MTFR1: variants seen among roughly 807,000 people sequenced by gnomAD.
The protein encoded by MTFR1 is chondrocyte protein with a poly-proline region.
Under a neutral mutation model 38.8 loss-of-function variants are expected in MTFR1, and 28 were observed. That is an observed-to-expected ratio of 0.72 (90% confidence interval 0.53 to 0.99). The LOEUF (loss-of-function observed/expected upper bound fraction) is 0.99, where lower values mean the gene tolerates loss of function less well. MTFR1 is among the 50% of genes least tolerant of loss of function. MTFR1 has a pLI of 0.00. For missense variants in MTFR1, 358 were observed against 395.5 expected (o/e 0.91, Z 0.81); for synonymous variants, 145 against 137.0 (o/e 1.06, Z -0.41).
Position 65,702,966 on chromosome 8 carries a change from C to G in MTFR1, c.282-1728C>G, listed in dbSNP as rs939708481. On this transcript the variant is annotated intron_variant, in intron 4 of 7. Transcript: ENST00000262146. ...CTGTGTGCCTTAGGGAATTTTGGAC[C>G]CAATATAAACAAAATATAACCAAAA... Among the ~76,000 whole-genome samples, 4 of 151,506 alleles carry G rather than the reference C, an allele frequency of 2.6e-5. No homozygotes were observed. In the South Asian group the frequency reaches 6.3e-4, roughly 24 times the overall value.
chr8:65,724,795 G>C (rs767623020), intron 3 of MTFR1: 2 of 1,607,510 alleles, frequency 1.2e-6, no homozygotes, highest in African/African-American at 2.7e-5. Context: ...CCAAATGTCT[G>C]TGTCTGGTGT....
intron 4 of MTFR1, among the ~76,000 whole-genome samples, chr8:65,704,275 AAAAAAGC>A (rs530274697): frequency 4.3e-4 from 66 of 152,324 alleles, no homozygotes; most frequent in Non-Finnish European, 7.9e-4. Flanking sequence ...ATTTTCAGTA[AAAAAAGC>A]AAAAAGATAA....
intron 3 of MTFR1, among the ~76,000 whole-genome samples, chr8:65,752,192 A>G (rs1808001196): frequency 6.6e-6 from 1 of 152,126 alleles, no homozygotes; most frequent in Admixed American, 6.5e-5. Context: ...ATTGTTAGTT[A>G]CCAGAGCATA....
In MTFR1 at chr8:65,655,968, ACC is replaced by A. The variant is rs1563432904; in HGVS notation, c.-81+11185_-81+11186del. 6.7e-3 allele frequency among the ~76,000 whole-genome samples: 132 copies of A among 19,768 alleles called. 10 individuals are homozygous for A. Among genetic ancestry groups the A allele is most frequent in the African/African-American group, 0.025 (114 of 4,580 alleles). The allele number at this position is 19,768 out of a possible 152,430, so 13.0% of individuals were successfully genotyped here. On this transcript the variant is annotated intron_variant, in intron 1 of 7. Coordinates refer to ENST00000262146, the MANE Select transcript of MTFR1 (RefSeq NM_014637.4). ...AAAAAAAAAATATATATATATATAT[ACC>A]ATATATATATATATGGTAGTGGGTT...
rs1273789511 is a variant in MTFR1, at chr8:65,688,512, A to T, written c.166-5132A>T. On this transcript the variant is annotated intron_variant, in intron 3 of 7. Transcript: ENST00000262146. ...CGCCCAGGCTGGAGTGCAGTGGCGCAATCTCGGCTCACTGCAAGCTCCGCC... is the reference window on the plus strand; with the variant it reads ...CGCCCAGGCTGGAGTGCAGTGGCGCTATCTCGGCTCACTGCAAGCTCCGCC... Among the ~76,000 whole-genome samples the T allele has an allele frequency of 3.3e-4, 48 of 144,646 alleles. No homozygotes were observed. In the East Asian group the frequency reaches 8.6e-3, roughly 26 times the overall value. 94.9% of individuals were successfully genotyped at this position (144,646 alleles called of 152,430 possible).
chr8:65,755,102 C>T (rs1349949897), intron 3 of MTFR1, among the ~76,000 whole-genome samples: 4 of 146,722 alleles, frequency 2.7e-5, no homozygotes, highest in African/African-American at 1.0e-4. Flanking sequence ...CTCACTGTAA[C>T]GTCTGCCTCC....
chr8:65,688,974 A>G (rs1361312370), intron 3 of MTFR1, among the ~76,000 whole-genome samples: 3 of 151,858 alleles, frequency 2.0e-5, no homozygotes, highest in Admixed American at 2.0e-4. Flanking sequence ...GTGAAACCCC[A>G]TCTCTACTAA....
At chr8:65,691,125 C>T (rs1001792063) in intron 3 of MTFR1, among the ~76,000 whole-genome samples, 1 of 152,086 alleles carries the variant, frequency 6.6e-6, no homozygotes, top group African/African-American at 2.4e-5. Context: ...AAAAATCTTC[C>T]CTTTGATCTT....
At chr8:65,677,295 C>T (rs1188397100) in intron 2 of MTFR1, among the ~76,000 whole-genome samples, 1 of 151,138 alleles carries the variant, frequency 6.6e-6, no homozygotes, top group African/African-American at 2.4e-5. Context: ...GTCTCGAACT[C>T]CTGACCTCAG....
chr8:65,741,401 T>C (rs1203316625), intron 3 of MTFR1, among the ~76,000 whole-genome samples: 1 of 152,192 alleles, frequency 6.6e-6, no homozygotes, highest in Non-Finnish European at 1.5e-5. Context: ...TAAAGGACTG[T>C]TTGGTTAACC....
At chr8:65,741,667 T>C (rs1280550189) in intron 3 of MTFR1, among the ~76,000 whole-genome samples, 2 of 152,244 alleles carry the variant, frequency 1.3e-5, no homozygotes, top group Non-Finnish European at 2.9e-5. Context: ...CACGAGTCCA[T>C]GTGGTGTGGA....
At chr8:65,644,551 C>G (rs879704252), upstream of MTFR1, among the ~76,000 whole-genome samples, 4 of 152,256 alleles carry the variant, frequency 2.6e-5, no homozygotes, top group African/African-American at 7.2e-5. Context: ...ACACGCCCCT[C>G]TCAGAGCTCC....
At chr8:65,663,186 A>C (rs1359393298) in intron 1 of MTFR1, among the ~76,000 whole-genome samples, 2 of 152,230 alleles carry the variant, frequency 1.3e-5, no homozygotes, top group African/African-American at 4.8e-5. Flanking sequence ...TTCTATACTA[A>C]GAAAAATTCT....
intron 3 of MTFR1, among the ~76,000 whole-genome samples, chr8:65,733,232 GCT>G (rs1195866928): frequency 1.3e-5 from 2 of 152,138 alleles, no homozygotes; most frequent in Non-Finnish European, 2.9e-5. Context: ...TCCCCACCCT[GCT>G]CACCTGGCAT....
downstream of MTFR1, among the ~76,000 whole-genome samples, chr8:65,775,049 T>A (rs186102651): frequency 5.7e-4 from 87 of 152,330 alleles, 1 homozygote; most frequent in Admixed American, 3.2e-3. Flanking sequence ...TTAAGAAAAT[T>A]TTCTGGATCA....
At chr8:65,670,759 C>T (rs1467488408) in intron 2 of MTFR1, among the ~76,000 whole-genome samples, 5 of 148,832 alleles carry the variant, frequency 3.4e-5, no homozygotes, top group Non-Finnish European at 7.4e-5. Context: ...GGCTGGAGTA[C>T]AGTGGAGCAA....
chr8:65,673,342 G>GT (rs1040968453), intron 2 of MTFR1, among the ~76,000 whole-genome samples: 2 of 148,424 alleles, frequency 1.3e-5, no homozygotes, highest in African/African-American at 5.0e-5. Flanking sequence ...AATTAAAGTA[G>GT]TAACAAATAA....
chr8:65,759,710 A>T (rs1808403087), intron 3 of MTFR1, among the ~76,000 whole-genome samples: 1 of 152,050 alleles, frequency 6.6e-6, no homozygotes, highest in South Asian at 2.1e-4. Context: ...CTTTCTTTTA[A>T]AGGGGGTTTT....
intron 3 of MTFR1, among the ~76,000 whole-genome samples, chr8:65,765,974 G>A (rs1259014077): frequency 6.6e-6 from 1 of 152,110 alleles, no homozygotes; most frequent in African/African-American, 2.4e-5. Context: ...GAGATGGAGT[G>A]TCACTCTGTC....
Sources: gnomAD v4.1 joint callset for allele counts (sites outside exome capture counted in the v4.1 genomes callset) on GRCh38, gnomAD v4.1.1 for gene constraint, MANE v1.5 for transcripts, NCBI Gene and HGNC (gene_info 2026-07-23, HGNC 2026-07-21) for gene names.